GPR55: variants seen among roughly 807,000 people sequenced by gnomAD.
GPR55 encodes G protein-coupled receptor 55, also known as G-protein coupled receptor 55.
Under a neutral mutation model 7.9 loss-of-function variants are expected in GPR55, and 6 were observed. The observed-to-expected ratio is 0.76, with a 90% CI of 0.41 to 1.49. The LOEUF is 1.49. Among genes scored for constraint, GPR55 ranks in the 40% most tolerant of loss-of-function variants. GPR55 has a pLI of 0.01. For missense variants in GPR55, 376 were observed against 406.0 expected (o/e 0.93, Z 0.63); for synonymous variants, 183 against 166.8 (o/e 1.10, Z -0.75).
At chr2:230,920,474 T>A (rs548559407) in intron 1 of GPR55, among the ~76,000 whole-genome samples, 1 of 151,976 alleles carries the variant, frequency 6.6e-6, no homozygotes, top group Non-Finnish European at 1.5e-5. Context: ...AACAAGAACC[T>A]GATTCATGAT....
At chr2:230,912,810 T>G (rs1690623833) in intron 1 of GPR55, among the ~76,000 whole-genome samples, 2 of 152,216 alleles carry the variant, frequency 1.3e-5, no homozygotes, top group African/African-American at 2.4e-5. Context: ...TTAAAAGTAT[T>G]CCAGGCGCTC....
At position 230,910,967 on chromosome 2, in the gene GPR55, C is replaced by G. The variant is rs1458394053; in HGVS notation, c.-5G>C. On this transcript the variant is annotated 5_prime_UTR_variant, in exon 2 of 2. Transcript: ENST00000650999. The surrounding 1 kb of genome is among the most constrained non-coding windows in gnomAD (Gnocchi z 5.4). The stretch of plus-strand genomic sequence containing the variant: ...ACTGGTGTTTTGCTGACTCATGTTT[C>G]TTCCTACAACACCAACAGATCAGAC... 6.3e-7 allele frequency: 1 copy of G among 1,588,204 alleles called. No individual in the cohort carries two copies. The highest frequency in any genetic ancestry group is 1.1e-5 in the South Asian group (1 of 87,006).
chr2:230,924,980 CGGAGGCTGCCT>C lies in GPR55; in HGVS notation c.-135+177_-135+187del, dbSNP rs1305738676. ...GGTCTGCCTGCCGCTGCTGCTGTCA[CGGAGGCTGCCT>C]GGAGGCTGCCGCTGCCCTGACACCT... On this transcript the variant is annotated intron_variant, in intron 1 of 1. Coordinates refer to ENST00000650999, the MANE Select transcript of GPR55 (RefSeq NM_005683.4). The surrounding 1 kb of genome is among the most constrained non-coding windows in gnomAD (Gnocchi z 4.5). 4.6e-5 allele frequency among the ~76,000 whole-genome samples: 7 copies of C among 152,198 alleles called. No homozygotes were observed. The highest frequency in any genetic ancestry group is 3.3e-4 in the Admixed American group (5 of 15,286).
At chr2:230,922,046 C>T (rs191528160) in intron 1 of GPR55, among the ~76,000 whole-genome samples, 4 of 149,806 alleles carry the variant, frequency 2.7e-5, no homozygotes, top group East Asian at 3.9e-4. Context: ...GTGGAGGGCT[C>T]TCTGTCACCA....
chr2:230,939,120 C>T (rs1049327656), intron 1 of GPR55, among the ~76,000 whole-genome samples: 2 of 152,216 alleles, frequency 1.3e-5, no homozygotes, highest in Admixed American at 1.3e-4. Context: ...CTCCTTTGTC[C>T]CTGCAGCCCT....
chr2:230,914,802 C>T (rs1322728781), intron 1 of GPR55, among the ~76,000 whole-genome samples: 1 of 152,230 alleles, frequency 6.6e-6, no homozygotes, highest in African/African-American at 2.4e-5. Flanking sequence ...GAGGTTGAGT[C>T]CCCTCAGGTC....
Position 230,923,340 on chromosome 2 carries a change from G to T in GPR55, c.-135+1828C>A, listed in dbSNP as rs951891094. The stretch of plus-strand genomic sequence containing the variant: ...GCATTGCAGCGTGAGCCACCTCAGA[G>T]ATGGCAGGGCCAGAGCCTAAAAAAG... On this transcript the variant is annotated intron_variant, in intron 1 of 1. Transcript: ENST00000650999. The surrounding 1 kb of genome is among the most constrained non-coding windows in gnomAD (Gnocchi z 4.1). Among the ~76,000 whole-genome samples, 3 of 152,246 alleles carry T rather than the reference G, an allele frequency of 2.0e-5. No individual in the cohort carries two copies. Among genetic ancestry groups the T allele is most frequent in the African/African-American group, 7.2e-5 (3 of 41,468 alleles).
chr2:230,955,938 G>A (rs758759857), intron 1 of GPR55, among the ~76,000 whole-genome samples: 28 of 152,072 alleles, frequency 1.8e-4, no homozygotes, highest in Non-Finnish European at 3.7e-4. Flanking sequence ...TATTGCCCAG[G>A]TTGGTCTCAA....
At chr2:230,936,613 T>C (rs757558548) in intron 1 of GPR55, among the ~76,000 whole-genome samples, 1 of 152,210 alleles carries the variant, frequency 6.6e-6, no homozygotes, top group Non-Finnish European at 1.5e-5. Flanking sequence ...AATGGACTGA[T>C]ACGAACATCC....
chr2:230,932,306 T>C lies in GPR55; in HGVS notation c.-134-21210A>G, dbSNP rs540357680. On this transcript the variant is annotated intron_variant, in intron 1 of 1. Coordinates refer to the GPR55 transcript ENST00000392039. ...GATTAAAAACTCATTCCCTACATAA[T>C]TGGTGCTGAAGGCAGAAAATTACCA... is the stretch of plus-strand genomic sequence containing the variant. 5.3e-5 allele frequency among the ~76,000 whole-genome samples: 8 copies of C among 152,364 alleles called. No individual in the cohort carries two copies. The East Asian group carries it at 1.5e-3, about 29-fold the overall frequency.
At chr2:230,914,870 T>C (rs192615639) in intron 1 of GPR55, among the ~76,000 whole-genome samples, 19 of 152,256 alleles carry the variant, frequency 1.2e-4, no homozygotes, top group Non-Finnish European at 2.5e-4. Context: ...ACAGGGGAAG[T>C]TCCCATGAAG....
At chr2:230,952,057 C>T (rs1691413258) in intron 1 of GPR55, among the ~76,000 whole-genome samples, 1 of 152,022 alleles carries the variant, frequency 6.6e-6, no homozygotes, top group African/African-American at 2.4e-5. Context: ...TGAGCCACCA[C>T]ATCCAGCAAG....
chr2:230,922,095 G>A (rs1442681654), intron 1 of GPR55, among the ~76,000 whole-genome samples: 5 of 152,206 alleles, frequency 3.3e-5, no homozygotes, highest in Non-Finnish European at 7.3e-5. Context: ...TGCTTATCCA[G>A]GGTGCTGTAG....
intron 1 of GPR55, among the ~76,000 whole-genome samples, chr2:230,938,095 C>T (rs56923715): frequency 0.043 from 6,060 of 141,726 alleles, 188 homozygotes; most frequent in East Asian, 0.14. Flanking sequence ...TGCAGTGAGC[C>T]GTGATCGCAC....
At chr2:230,928,580 A>G (rs1043868726), upstream of GPR55, 15 of 152,202 alleles carry the variant, frequency 9.9e-5, no homozygotes, top group African/African-American at 3.6e-4. Flanking sequence ...CGGCATGGTA[A>G]CAGGGGTAAG....
At chr2:230,947,813 T>A (rs1350571874) in intron 1 of GPR55, among the ~76,000 whole-genome samples, 1 of 152,126 alleles carries the variant, frequency 6.6e-6, no homozygotes, top group Non-Finnish European at 1.5e-5. Context: ...TTTAGTGCTA[T>A]TTTTTAAAGT....
upstream of GPR55, chr2:230,929,662 C>T (rs1436066914): frequency 6.6e-6 from 1 of 152,230 alleles, no homozygotes; most frequent in East Asian, 1.9e-4. Context: ...GGGCTTGGAG[C>T]CCCCAGAATG....
chr2:230,958,683 C>T (rs921896249), intron 1 of GPR55, among the ~76,000 whole-genome samples: 1 of 152,156 alleles, frequency 6.6e-6, no homozygotes, highest in South Asian at 2.1e-4. Flanking sequence ...ATTTTATAAA[C>T]CTAATTTCGA....
chr2:230,922,427 GTGCAGTGGCACAA>G, intron 1 of GPR55, among the ~76,000 whole-genome samples: 1 of 152,108 alleles, frequency 6.6e-6, no homozygotes. Context: ...CCAGGCTGGA[GTGCAGTGGCACAA>G]TTGAGGTTCA....
Sources: allele counts gnomAD v4.1 joint callset (sites outside exome capture counted in the v4.1 genomes callset), GRCh38; gene constraint gnomAD v4.1.1; non-coding constraint Gnocchi (gnomAD v3.1); transcripts MANE v1.5; gene names NCBI Gene and HGNC (gene_info 2026-07-23, HGNC 2026-07-21).